ADAMTS6: variants seen among roughly 807,000 people sequenced by gnomAD.
The protein encoded by ADAMTS6 is A disintegrin and metalloproteinase with thrombospondin motifs 6.
Under a neutral mutation model 144.3 loss-of-function variants are expected in ADAMTS6, and 23 were observed. That is an observed-to-expected ratio of 0.16 (90% CI 0.11 to 0.23). The LOEUF is 0.23. Among genes scored for constraint, ADAMTS6 ranks in the 10% least tolerant of loss-of-function variants. ADAMTS6 has a pLI of 1.00. For synonymous variants in ADAMTS6, 444 were observed against 457.5 expected (o/e 0.97, Z 0.38); for missense variants, 999 against 1,379.6 (o/e 0.72, Z 4.37).
intron 20 of ADAMTS6, among the ~76,000 whole-genome samples, chr5:65,201,105 T>C (rs1241684478): frequency 6.6e-6 from 1 of 152,204 alleles, no homozygotes; most frequent in African/African-American, 2.4e-5. Flanking sequence ...TTTAATGGCA[T>C]TTTTATACAG....
At chr5:65,465,835 C>A (rs1340269859) in intron 3 of ADAMTS6, among the ~76,000 whole-genome samples, 1 of 152,226 alleles carries the variant, frequency 6.6e-6, no homozygotes, top group Non-Finnish European at 1.5e-5. Context: ...TCTGACCTCC[C>A]TGACCTCTTG....
At chr5:65,329,318 T>C in intron 9 of ADAMTS6, 60 bp downstream of exon 9, 2 of 1,486,330 alleles carry the variant, frequency 1.3e-6, no homozygotes, top group South Asian at 2.3e-5. Flanking sequence ...CATACAGTAG[T>C]TACAAGTTGC....
At chr5:65,273,523 ACT>A in intron 11 of ADAMTS6, 76 bp from the exon 12 acceptor site, 1 of 1,167,182 alleles carries the variant, frequency 8.6e-7, no homozygotes, top group South Asian at 1.4e-5. Flanking sequence ...ACTTACAGTC[ACT>A]CTGCATTACT....
intron 9 of ADAMTS6, among the ~76,000 whole-genome samples, chr5:65,316,685 C>T (rs991246937): frequency 6.6e-6 from 1 of 151,994 alleles, no homozygotes; most frequent in Non-Finnish European, 1.5e-5. Flanking sequence ...AAGCTGGGGC[C>T]ACTATATTAA....
intron 9 of ADAMTS6, among the ~76,000 whole-genome samples, chr5:65,325,480 C>A (rs952255240): frequency 1.3e-5 from 2 of 151,048 alleles, no homozygotes; most frequent in African/African-American, 4.9e-5. Flanking sequence ...ATCCCTATAG[C>A]TTTCAATATA....
intron 3 of ADAMTS6, among the ~76,000 whole-genome samples, chr5:65,464,891 T>A (rs1048209624): frequency 6.6e-6 from 1 of 152,166 alleles, no homozygotes; most frequent in African/African-American, 2.4e-5. Context: ...ATTGATCCTA[T>A]CACCTTTTCA....
intron 9 of ADAMTS6, among the ~76,000 whole-genome samples, chr5:65,318,003 A>G (rs1312779099): frequency 7.1e-6 from 1 of 141,690 alleles, no homozygotes; most frequent in East Asian, 2.2e-4. Context: ...TGAACCTGGG[A>G]GGTGGAGCTT....
intron 7 of ADAMTS6, among the ~76,000 whole-genome samples, chr5:65,364,541 T>C (rs1750116237): frequency 6.6e-6 from 1 of 151,188 alleles, no homozygotes. Flanking sequence ...TTATTGACTA[T>C]GGAATCCTGA....
At chr5:65,237,140 T>C (rs1758730880) in intron 15 of ADAMTS6, among the ~76,000 whole-genome samples, 2 of 152,092 alleles carry the variant, frequency 1.3e-5, no homozygotes, top group South Asian at 4.1e-4. Flanking sequence ...ACACCTATAA[T>C]CCCAGTACTT....
intron 21 of ADAMTS6, among the ~76,000 whole-genome samples, chr5:65,194,629 A>C (rs1755221973): frequency 6.6e-6 from 1 of 152,262 alleles, no homozygotes; most frequent in Non-Finnish European, 1.5e-5. Flanking sequence ...TGAATTCAAA[A>C]GACTAAAGAA....
intron 7 of ADAMTS6, among the ~76,000 whole-genome samples, chr5:65,396,789 G>C (rs1232136170): frequency 6.6e-6 from 1 of 152,192 alleles, no homozygotes; most frequent in African/African-American, 2.4e-5. Flanking sequence ...AGAGATATTG[G>C]TCTGCATAAG....
At chr5:65,443,622 CAA>C (rs59240974) in intron 7 of ADAMTS6, among the ~76,000 whole-genome samples, 940 of 68,936 alleles carry the variant, frequency 0.014, 4 homozygotes, top group East Asian at 0.092. Flanking sequence ...GACCCTGTCT[CAA>C]AAAAAAAAAA....
chr5:65,231,969 G>A (rs999868066), intron 15 of ADAMTS6, among the ~76,000 whole-genome samples: 4 of 152,060 alleles, frequency 2.6e-5, no homozygotes, highest in African/African-American at 9.7e-5. Flanking sequence ...AAGTTAGCTG[G>A]TCATGGTGGT....
At chr5:65,274,517 CAATCAGAATT>C (rs1762302402) in intron 11 of ADAMTS6, among the ~76,000 whole-genome samples, 1 of 152,092 alleles carries the variant, frequency 6.6e-6, no homozygotes, top group African/African-American at 2.4e-5. Flanking sequence ...ATTACAAACA[CAATCAGAATT>C]AAGGCAATGA....
intron 5 of ADAMTS6, 70 bp from the exon 6 acceptor site, chr5:65,452,286 A>C: frequency 1.5e-6 from 2 of 1,364,674 alleles, no homozygotes; most frequent in Non-Finnish European, 2.1e-6. Context: ...TGGTTTTTTA[A>C]GTGCTAAAAC....
intron 7 of ADAMTS6, among the ~76,000 whole-genome samples, chr5:65,365,685 T>C (rs1750243854): frequency 1.3e-5 from 2 of 151,706 alleles, no homozygotes; most frequent in African/African-American, 4.8e-5. Flanking sequence ...AGGAGCAATA[T>C]TCAATAAATT....
At chr5:65,450,252 T>A (rs1354329847) in intron 7 of ADAMTS6, among the ~76,000 whole-genome samples, 1 of 152,204 alleles carries the variant, frequency 6.6e-6, no homozygotes, top group African/African-American at 2.4e-5. Context: ...AAGCATGTCA[T>A]AAACCAAATT....
chr5:65,204,079 A>G (rs1755919542), intron 20 of ADAMTS6, among the ~76,000 whole-genome samples: 1 of 152,234 alleles, frequency 6.6e-6, no homozygotes, highest in Non-Finnish European at 1.5e-5. Context: ...TTGGCTTAGC[A>G]GAGATTTCTT....
chr5:65,332,308 T>TAGAG (rs1176890409), intron 8 of ADAMTS6, among the ~76,000 whole-genome samples: 62 of 109,438 alleles, frequency 5.7e-4, no homozygotes, highest in Admixed American at 1.0e-3. Flanking sequence ...TATATATATA[T>TAGAG]ATATAGAGAG....
Sources: allele counts gnomAD v4.1 joint callset (sites outside exome capture counted in the v4.1 genomes callset), GRCh38; gene constraint gnomAD v4.1.1; transcripts MANE v1.5; gene names NCBI Gene and HGNC (gene_info 2026-07-23, HGNC 2026-07-21).